Variants in DNAH14 observed in about 807,000 individuals in gnomAD.
The protein encoded by DNAH14 is axonemal beta dynein heavy chain 14.
A neutral mutation model predicts 520.9 loss-of-function variants in DNAH14; 478 were observed. The ratio of observed to expected loss-of-function variants is 0.92; its 90% CI spans 0.85 to 0.99. The LOEUF is 0.99. Ranked by LOEUF, DNAH14 falls within the 50% of genes least tolerant of loss-of-function variation. DNAH14 has a pLI of 0.00. For missense variants in DNAH14, 4,831 were observed against 5,234.5 expected (o/e 0.92, Z 2.38); for synonymous variants, 1,581 against 1,757.2 (o/e 0.90, Z 2.51).
At chr1:224,995,893 T>G (rs182072174) in intron 8 of DNAH14, among the ~76,000 whole-genome samples, 2 of 152,216 alleles carry the variant, frequency 1.3e-5, no homozygotes, top group East Asian at 1.9e-4. Context: ...ATTTTGCTTC[T>G]TTTATTATTT....
At chr1:225,155,770 G>A (rs1395795633) in intron 34 of DNAH14, among the ~76,000 whole-genome samples, 1 of 152,058 alleles carries the variant, frequency 6.6e-6, no homozygotes, top group African/African-American at 2.4e-5. Context: ...TCTCTAGTCT[G>A]TGCTGCCCTA....
At chr1:225,373,166 T>G (rs2095639319) in intron 77 of DNAH14, among the ~76,000 whole-genome samples, 1 of 62,632 alleles carries the variant, frequency 1.6e-5, no homozygotes, top group Non-Finnish European at 4.0e-5. Context: ...TAAACTAGCA[T>G]TTGTGGAAAA....
At chr1:225,345,293 G>T (rs953138134) in intron 69 of DNAH14, among the ~76,000 whole-genome samples, 1 of 152,102 alleles carries the variant, frequency 6.6e-6, no homozygotes, top group Non-Finnish European at 1.5e-5. Context: ...ATGTGTCCAA[G>T]GGCAAGAATC....
In DNAH14 at chr1:225,275,978, A is replaced by G. The variant is rs558828014; in HGVS notation, c.8075A>G (p.Asn2692Ser). The change falls in exon 53 of 86, where the codon AAC (asparagine) becomes AGC (serine). Residue 2692 changes from asparagine to serine, a missense_variant. Coordinates refer to ENST00000682510, the MANE Select transcript of DNAH14 (RefSeq NM_001367479.1). ...GTATTTTTGGACTTCTTGGATATAA[A>G]CAAGACTCATAGAAAAAAGATTTAT... is the stretch of plus-strand genomic sequence containing the variant. ...STVFLDFLDI[N>S]KTHRKKIYQN... 793 of 420,210 alleles carry G rather than the reference A, an allele frequency of 1.9e-3. 8 individuals are homozygous for G. Among genetic ancestry groups the G allele is most frequent in the East Asian group, 1.9e-3 (25 of 13,178 alleles). The allele number at this position is 420,210 out of a possible 1,614,324, so 26.0% of individuals were successfully genotyped here.
intron 8 of DNAH14, among the ~76,000 whole-genome samples, chr1:224,995,860 G>T (rs1015705743): frequency 6.6e-6 from 1 of 151,938 alleles, no homozygotes; most frequent in East Asian, 1.9e-4. Context: ...TTCAGTCATT[G>T]TATCTTTATT....
Position 225,353,870 on chromosome 1 carries a change from A to C in DNAH14, c.11601A>C (p.Ser3867=), listed in dbSNP as rs2095400308. The part of the protein sequence containing the change: ...PINFPWEKLT[S]FQRLILVKVL... ...ATTTTCCCTGGGAGAAACTCACTTC[A>C]TTTCAAAGACTTATTTTGGTAAGAT... The change falls in exon 73 of 86, where the codon TCA becomes TCC. Residue 3867 remains serine (S), a synonymous_variant. Transcript: ENST00000682510. The C allele has an allele frequency of 6.7e-7, 1 of 1,493,092 alleles. No homozygotes were observed. The highest frequency in any genetic ancestry group is 1.4e-5 in the African/African-American group (1 of 71,054). The allele number at this position is 1,493,092 out of a possible 1,614,324, so 92.5% of individuals were successfully genotyped here. A position where few individuals can be genotyped will look rare whatever the true frequency, so the allele number is the denominator to read the frequency against.
chr1:224,984,773 A>G (rs546265683), intron 8 of DNAH14, among the ~76,000 whole-genome samples: 1 of 152,306 alleles, frequency 6.6e-6, no homozygotes, highest in Non-Finnish European at 1.5e-5. Context: ...CAAATCAGTA[A>G]GAGAAAAAAC....
At chr1:225,355,070 T>A (rs1452158473) in intron 73 of DNAH14, among the ~76,000 whole-genome samples, 2 of 148,466 alleles carry the variant, frequency 1.3e-5, no homozygotes, top group African/African-American at 4.9e-5. Context: ...TCATTTGGCT[T>A]GCTGTAACAA....
chr1:225,307,699 C>A, intron 59 of DNAH14, 130 bp downstream of exon 59: 2 of 606,254 alleles, frequency 3.3e-6, no homozygotes, highest in South Asian at 4.9e-5. Context: ...GTTGTGTACA[C>A]ATGAAAAAAA....
chr1:225,016,208 T>A (rs2065206532), intron 10 of DNAH14, among the ~76,000 whole-genome samples: 1 of 152,158 alleles, frequency 6.6e-6, no homozygotes, highest in Non-Finnish European at 1.5e-5. Context: ...TTCAATTGAG[T>A]TCAGATTTAA....
At chr1:225,173,707 C>T (rs1160598393) in intron 36 of DNAH14, among the ~76,000 whole-genome samples, 1 of 152,218 alleles carries the variant, frequency 6.6e-6, no homozygotes, top group Admixed American at 6.5e-5. Context: ...TGTGGCGATT[C>T]TTCAGGGATC....
chr1:225,302,798 C>T (rs1171961225), intron 56 of DNAH14, among the ~76,000 whole-genome samples: 1 of 152,138 alleles, frequency 6.6e-6, no homozygotes, highest in East Asian at 1.9e-4. Flanking sequence ...ATTCATCTGA[C>T]CATCTTCTCA....
intron 10 of DNAH14, 50 bp from the exon 11 acceptor site, chr1:225,023,565 A>G: frequency 1.4e-6 from 2 of 1,424,988 alleles, no homozygotes. Context: ...ATCATGCTAT[A>G]TTAACAAAGA....
At chr1:225,392,153 C>A (rs2095924442) in intron 83 of DNAH14, 138 bp from the exon 84 acceptor site, 3 of 1,108,160 alleles carry the variant, frequency 2.7e-6, no homozygotes, top group Non-Finnish European at 3.8e-6. Flanking sequence ...GTCCTCTGCT[C>A]CCGCCCAGCC....
intron 9 of DNAH14, among the ~76,000 whole-genome samples, chr1:225,005,378 A>G (rs1350507835): frequency 6.6e-6 from 1 of 152,178 alleles, no homozygotes; most frequent in African/African-American, 2.4e-5. Context: ...ACAACTATTC[A>G]AAGTTTTTGA....
Position 225,204,217 on chromosome 1 carries a change from C to A in DNAH14, c.5921C>A (p.Thr1974Asn). Reference sequence around the variant, plus strand: ...CTTGATTCCTCTGATACAACAGAGACTGATGATAATATTTTTGAGGAGATA... The same window carrying A: ...CTTGATTCCTCTGATACAACAGAGAATGATGATAATATTTTTGAGGAGATA... ...FKLDSSDTTE[T>N]DDNIFEEIEK... Residue 1974 changes from threonine (T) to asparagine (N), a missense_variant, in exon 39 of 86, where the codon ACT (threonine) becomes AAT (asparagine). Transcript: ENST00000682510. The A allele has an allele frequency of 1.3e-6, 2 of 1,488,468 alleles. No individual in the cohort carries two copies. Among genetic ancestry groups the A allele is most frequent in the Non-Finnish European group, 1.8e-6 (2 of 1,126,332 alleles). 92.2% of individuals were successfully genotyped at this position (1,488,468 alleles called of 1,614,324 possible).
Position 225,374,828 on chromosome 1 carries a change from C to T in DNAH14, c.12459C>T (p.Leu4153=), listed in dbSNP as rs2095676064. ...ACAAGCGATGCTTGAAGACCCTACTCTACAAATTTTGTAATCCTGAAGTGC... is the reference window on the plus strand; with the variant it reads ...ACAAGCGATGCTTGAAGACCCTACTTTACAAATTTTGTAATCCTGAAGTGC... ...NWDKRCLKTL[L]YKFCNPEVLK... is the part of the protein sequence containing the mutation. The change falls in exon 78 of 86, where the codon CTC becomes CTT. Residue 4153 remains leucine, a synonymous_variant. Transcript: ENST00000682510. 6.4e-7 allele frequency: 1 copy of T among 1,551,356 alleles called. No individual in the cohort carries two copies. The highest frequency in any genetic ancestry group is 8.7e-7 in the Non-Finnish European group (1 of 1,146,876).
At chr1:225,333,545 ATTGT>A in intron 66 of DNAH14, 39 bp downstream of exon 66, 1 of 1,503,788 alleles carries the variant, frequency 6.6e-7, no homozygotes, top group South Asian at 1.2e-5. Context: ...AGTGGCTATT[ATTGT>A]TTATTTGGAT....
At chr1:224,983,482 G>A (rs1056777190) in intron 8 of DNAH14, among the ~76,000 whole-genome samples, 10 of 151,992 alleles carry the variant, frequency 6.6e-5, no homozygotes, top group African/African-American at 1.5e-4. Flanking sequence ...CACTGAGAAC[G>A]GGAACAAGAC....
Sources: allele counts gnomAD v4.1 joint callset (sites outside exome capture counted in the v4.1 genomes callset), GRCh38; gene constraint gnomAD v4.1.1; transcripts MANE v1.5; gene names NCBI Gene and HGNC (gene_info 2026-07-23, HGNC 2026-07-21).